CDH12: variants seen among roughly 807,000 people sequenced by gnomAD.
CDH12 encodes the protein cadherin-12.
CDH12 carries 41 observed loss-of-function variants against 74.1 expected under a neutral mutation model. That is an observed-to-expected ratio of 0.55 (90% CI 0.43 to 0.72). The LOEUF is 0.72. Ranked by LOEUF, CDH12 falls within the 30% of genes least tolerant of loss-of-function variation. CDH12 has a pLI of 0.00. For synonymous variants in CDH12, 399 were observed against 355.0 expected (o/e 1.12, Z -1.39); for missense variants, 945 against 977.2 (o/e 0.97, Z 0.44).
intron 4 of CDH12, among the ~76,000 whole-genome samples, chr5:22,163,952 T>G (rs1005606708): frequency 4.6e-5 from 7 of 152,192 alleles, no homozygotes; most frequent in Admixed American, 6.5e-5. Context: ...CATCACAATT[T>G]CATACTCATA....
intron 1 of CDH12, among the ~76,000 whole-genome samples, chr5:22,723,952 TC>T (rs1239952129): frequency 1.3e-5 from 2 of 151,916 alleles, no homozygotes; most frequent in African/African-American, 4.8e-5. Flanking sequence ...TCTGCTGTCC[TC>T]TTAATTCTCT....
intron 4 of CDH12, among the ~76,000 whole-genome samples, chr5:22,096,329 C>T (rs185952466): frequency 4.6e-5 from 7 of 152,194 alleles, no homozygotes; most frequent in Non-Finnish European, 8.8e-5. Context: ...TGCCTGATGT[C>T]CAGGCATTCT....
At chr5:21,814,890 C>T (rs867095567) in intron 9 of CDH12, among the ~76,000 whole-genome samples, 5 of 151,766 alleles carry the variant, frequency 3.3e-5, no homozygotes, top group Admixed American at 3.3e-4. Flanking sequence ...AGTGAGAAGA[C>T]TTTACATTGA....
In CDH12 at chr5:21,805,352, A is replaced by G. The variant is rs4257735; in HGVS notation, c.1003-2932T>C. ...TAACTCCTTTTCAAGCCAGACATGA[A>G]AGGAGAATTTTGAAACCTTTAAAAG... On this transcript the variant is annotated intron_variant, in intron 9 of 14. Coordinates refer to ENST00000382254, the MANE Select transcript of CDH12 (RefSeq NM_004061.5). Among the ~76,000 whole-genome samples the G allele has an allele frequency of 9.9e-3, 1,512 of 152,238 alleles. 9 individuals carry two copies. Among genetic ancestry groups the G allele is most frequent in the Non-Finnish European group, 0.014 (969 of 68,008 alleles).
At chr5:22,643,794 G>A (rs79792927) in intron 1 of CDH12, among the ~76,000 whole-genome samples, 1 of 112,486 alleles carries the variant, frequency 8.9e-6, no homozygotes, top group African/African-American at 3.4e-5. Flanking sequence ...GCCCTGCATT[G>A]AGCAAGTCTA....
intron 11 of CDH12, among the ~76,000 whole-genome samples, chr5:21,770,903 C>T (rs113077909): frequency 6.6e-6 from 1 of 152,082 alleles, no homozygotes; most frequent in African/African-American, 2.4e-5. Flanking sequence ...AGATCATGAC[C>T]TTTGCGGAAA....
chr5:22,361,242 C>A (rs1318410858), intron 3 of CDH12, among the ~76,000 whole-genome samples: 4 of 152,114 alleles, frequency 2.6e-5, no homozygotes, highest in Non-Finnish European at 5.9e-5. Flanking sequence ...TCTCAGGATA[C>A]AAAATCAATG....
intron 4 of CDH12, among the ~76,000 whole-genome samples, chr5:22,105,284 A>G (rs550396197): frequency 1.1e-4 from 16 of 151,218 alleles, no homozygotes; most frequent in South Asian, 4.2e-4. Flanking sequence ...CAGTAGAGAT[A>G]GGGTTTCACC....
At chr5:21,798,669 A>T (rs1746935462) in intron 10 of CDH12, among the ~76,000 whole-genome samples, 1 of 152,034 alleles carries the variant, frequency 6.6e-6, no homozygotes, top group Non-Finnish European at 1.5e-5. Context: ...CAAGACCCAG[A>T]CAGCTCTCTT....
intron 4 of CDH12, chr5:22,143,254 A>G (rs1472886361): frequency 6.5e-6 from 1 of 153,770 alleles, no homozygotes; most frequent in Non-Finnish European, 1.5e-5. Flanking sequence ...ACATAAACCT[A>G]AAGCATATAA....
At chr5:22,554,502 A>C in intron 1 of CDH12, among the ~76,000 whole-genome samples, 1 of 152,002 alleles carries the variant, frequency 6.6e-6, no homozygotes. Context: ...TAACACAAAA[A>C]AGAGAATATG....
intron 5 of CDH12, among the ~76,000 whole-genome samples, chr5:22,059,370 T>C (rs1160123222): frequency 3.1e-5 from 4 of 129,586 alleles, no homozygotes; most frequent in Non-Finnish European, 5.9e-5. Flanking sequence ...TATCTATCTA[T>C]CTATCTATCT....
chr5:22,318,983 G>T (rs185970577), intron 3 of CDH12, among the ~76,000 whole-genome samples: 4 of 152,166 alleles, frequency 2.6e-5, no homozygotes, highest in African/African-American at 9.6e-5. Context: ...CTGGAAAAAA[G>T]CATAAGATTG....
At chr5:22,295,382 C>T (rs912847841) in intron 3 of CDH12, among the ~76,000 whole-genome samples, 53 of 152,044 alleles carry the variant, frequency 3.5e-4, no homozygotes, top group African/African-American at 1.3e-3. Flanking sequence ...TTTGCCATTG[C>T]ACACAATACT....
intron 13 of CDH12, 115 bp downstream of exon 13, chr5:21,760,443 A>T (rs1744653413): frequency 1.0e-5 from 7 of 671,024 alleles, no homozygotes; most frequent in Non-Finnish European, 1.6e-5. Flanking sequence ...TTTCTCATGT[A>T]AGGATCTCAT....
chr5:22,801,644 TA>T (rs1748522825), intron 1 of CDH12, among the ~76,000 whole-genome samples: 1 of 37,676 alleles, frequency 2.7e-5, no homozygotes, highest in Admixed American at 2.7e-4. Flanking sequence ...ATCATATATA[TA>T]TATATATATA....
intron 4 of CDH12, among the ~76,000 whole-genome samples, chr5:22,118,683 T>C (rs1745317899): frequency 6.6e-6 from 1 of 152,104 alleles, no homozygotes; most frequent in Non-Finnish European, 1.5e-5. Context: ...GTCTTCACTA[T>C]TACACTTCCA....
At chr5:22,113,536 TC>T (rs1580269841) in intron 4 of CDH12, among the ~76,000 whole-genome samples, 1 of 152,084 alleles carries the variant, frequency 6.6e-6, no homozygotes, top group African/African-American at 2.4e-5. Context: ...GCTTGAGTTG[TC>T]CCACCTTTCT....
chr5:22,594,255 A>T (rs759479574), intron 1 of CDH12, among the ~76,000 whole-genome samples: 5 of 152,164 alleles, frequency 3.3e-5, no homozygotes, highest in Non-Finnish European at 4.4e-5. Context: ...AATCTTAGCC[A>T]CACTGGGACT....
Sources: gnomAD v4.1 joint callset for allele counts (sites outside exome capture counted in the v4.1 genomes callset) on GRCh38, gnomAD v4.1.1 for gene constraint, MANE v1.5 for transcripts, NCBI Gene and HGNC (gene_info 2026-07-23, HGNC 2026-07-21) for gene names.